The following PCSK2 variants were observed in gnomAD, a reference collection of about 807,000 sequenced individuals.
PCSK2 encodes neuroendocrine convertase 2.
A neutral mutation model predicts 69.7 loss-of-function variants in PCSK2; 14 were observed. The observed-to-expected ratio is 0.20, with a 90% CI of 0.13 to 0.31. PCSK2 has a LOEUF of 0.31. PCSK2 is among the 10% of genes least tolerant of loss of function. PCSK2 has a pLI of 1.00. For synonymous variants in PCSK2, 307 were observed against 320.7 expected (o/e 0.96, Z 0.46); for missense variants, 544 against 842.5 (o/e 0.65, Z 4.39).
intron 2 of PCSK2, among the ~76,000 whole-genome samples, chr20:17,337,848 G>A (rs1177145446): frequency 1.3e-5 from 2 of 150,934 alleles, no homozygotes; most frequent in African/African-American, 4.9e-5. Context: ...AGAATTTCTT[G>A]AGCCTGGGAG....
intron 4 of PCSK2, among the ~76,000 whole-genome samples, chr20:17,366,711 C>G (rs2030602505): frequency 6.6e-6 from 1 of 152,210 alleles, no homozygotes; most frequent in African/African-American, 2.4e-5. Context: ...TTGTCCTTCA[C>G]AGTCGTATCA....
chr20:17,327,558 C>A (rs369892507), intron 2 of PCSK2, among the ~76,000 whole-genome samples: 183 of 152,260 alleles, frequency 1.2e-3, no homozygotes, highest in African/African-American at 4.0e-3. Flanking sequence ...TGCCCCTTCC[C>A]CTCTCCTCCC....
intron 4 of PCSK2, among the ~76,000 whole-genome samples, chr20:17,361,155 CATCACAG>C (rs2030378236): frequency 6.6e-6 from 1 of 152,188 alleles, no homozygotes. Flanking sequence ...CCATTTTCAT[CATCACAG>C]ATAGTTACAT....
intron 5 of PCSK2, among the ~76,000 whole-genome samples, chr20:17,382,355 G>A (rs4814616): frequency 2.0e-5 from 3 of 151,980 alleles, no homozygotes; most frequent in African/African-American, 7.3e-5. Context: ...TGTCATAGAC[G>A]GGAAACTGAA....
intron 2 of PCSK2, among the ~76,000 whole-genome samples, chr20:17,295,942 G>A (rs1988878566): frequency 6.6e-6 from 1 of 152,182 alleles, no homozygotes; most frequent in Non-Finnish European, 1.5e-5. Flanking sequence ...GCTGATAGCA[G>A]GGCATCCACA....
intron 11 of PCSK2, among the ~76,000 whole-genome samples, chr20:17,466,936 C>A (rs963639955): frequency 6.6e-6 from 1 of 152,214 alleles, no homozygotes. Flanking sequence ...TGAGATTCGT[C>A]CAGGTCACCA....
At position 17,482,088 on chromosome 20, in the gene PCSK2, T is replaced by C. The variant is rs1352115678; in HGVS notation, c.*18T>C. 1 of 1,534,900 alleles carries C rather than the reference T, an allele frequency of 6.5e-7. No individual in the cohort carries two copies. The highest frequency in any genetic ancestry group is 1.4e-5 in the African/African-American group (1 of 72,704). On this transcript the variant is annotated 3_prime_UTR_variant, in exon 12 of 12. Coordinates refer to ENST00000262545, the MANE Select transcript of PCSK2 (RefSeq NM_002594.5). The stretch of plus-strand genomic sequence containing the variant: ...AGAACTAGCGCTGCACATCCGCCTT[T>C]CCCACCGCCCTCCCTCCCCAGCTCC...
intron 2 of PCSK2, among the ~76,000 whole-genome samples, chr20:17,342,321 C>CTTGT (rs988916690): frequency 1.3e-5 from 2 of 152,084 alleles, no homozygotes; most frequent in African/African-American, 4.8e-5. Flanking sequence ...TGTTTCTTTG[C>CTTGT]TTGTTTGTTT....
chr20:17,322,724 C>A (rs1005605137), intron 2 of PCSK2, among the ~76,000 whole-genome samples: 3 of 152,178 alleles, frequency 2.0e-5, no homozygotes. Flanking sequence ...ACACTGTGTC[C>A]TCACATGGTA....
At chr20:17,353,305 A>G (rs36095484) in intron 2 of PCSK2, among the ~76,000 whole-genome samples, 26,979 of 149,398 alleles carry the variant, frequency 0.18, 3,269 homozygotes, top group East Asian at 0.54. Context: ...CAAAAAAAAT[A>G]CAAAAAAAAA....
At chr20:17,429,211 G>T (rs2032313900) in intron 6 of PCSK2, among the ~76,000 whole-genome samples, 1 of 151,820 alleles carries the variant, frequency 6.6e-6, no homozygotes, top group Non-Finnish European at 1.5e-5. Flanking sequence ...ACCCCAAAAT[G>T]GGGCGCTTTA....
At chr20:17,454,579 T>C (rs938758206) in intron 9 of PCSK2, among the ~76,000 whole-genome samples, 4 of 152,186 alleles carry the variant, frequency 2.6e-5, no homozygotes, top group Admixed American at 2.6e-4. Context: ...GGCAACTAGG[T>C]ATAATGGTGA....
intron 2 of PCSK2, among the ~76,000 whole-genome samples, chr20:17,276,022 G>A (rs184294800): frequency 8.5e-5 from 13 of 152,240 alleles, no homozygotes; most frequent in African/African-American, 3.1e-4. Context: ...TAGGGTAAAC[G>A]TTCAAAAGAT....
At chr20:17,335,243 T>C (rs1990313598) in intron 2 of PCSK2, among the ~76,000 whole-genome samples, 2 of 152,118 alleles carry the variant, frequency 1.3e-5, no homozygotes, top group South Asian at 4.1e-4. Flanking sequence ...AGATGTCCCA[T>C]CACATGGCTA....
chr20:17,265,333 T>C (rs984859562), intron 2 of PCSK2, among the ~76,000 whole-genome samples: 1 of 152,186 alleles, frequency 6.6e-6, no homozygotes, highest in African/African-American at 2.4e-5. Flanking sequence ...TTTTAAGGGA[T>C]TTATACCCAA....
At chr20:17,324,388 C>T (rs1168354212) in intron 2 of PCSK2, among the ~76,000 whole-genome samples, 1 of 152,166 alleles carries the variant, frequency 6.6e-6, no homozygotes, top group African/African-American at 2.4e-5. Flanking sequence ...TGGCACCTAC[C>T]TACCTATTCT....
chr20:17,237,753 T>C (rs1000561655), intron 1 of PCSK2, among the ~76,000 whole-genome samples: 1 of 151,886 alleles, frequency 6.6e-6, no homozygotes, highest in Non-Finnish European at 1.5e-5. Flanking sequence ...GAGTGGGGAA[T>C]TGAGATAAGG....
intron 2 of PCSK2, among the ~76,000 whole-genome samples, chr20:17,296,318 G>A: frequency 6.6e-6 from 1 of 152,156 alleles, no homozygotes; most frequent in East Asian, 1.9e-4. Context: ...TACATAAATT[G>A]AGTTAATTAG....
intron 8 of PCSK2, among the ~76,000 whole-genome samples, chr20:17,439,250 C>T (rs1365413719): frequency 1.3e-5 from 2 of 152,146 alleles, no homozygotes; most frequent in East Asian, 1.9e-4. Flanking sequence ...ATTCTCCTGC[C>T]TCAGCCTCCA....
Sources: gnomAD v4.1 joint callset for allele counts (sites outside exome capture counted in the v4.1 genomes callset) on GRCh38, gnomAD v4.1.1 for gene constraint, MANE v1.5 for transcripts, NCBI Gene and HGNC (gene_info 2026-07-23, HGNC 2026-07-21) for gene names.